Variants in MYO16 observed in about 807,000 individuals in gnomAD.
MYO16 encodes the protein myosin XVI.
In MYO16, 94 loss-of-function variants were observed where a neutral mutation model predicts 205.3. That is an observed-to-expected ratio of 0.46 (90% confidence interval 0.39 to 0.54). The LOEUF is 0.54. Ranked by LOEUF, MYO16 falls within the 20% of genes least tolerant of loss-of-function variation. The pLI is 0.00. For synonymous variants in MYO16, 988 were observed against 954.0 expected (o/e 1.04, Z -0.66); for missense variants, 2,315 against 2,387.5 (o/e 0.97, Z 0.63).
chr13:108,897,928 A>G, intron 14 of MYO16, 88 bp from the exon 15 acceptor site: 1 of 1,022,714 alleles, frequency 9.8e-7, no homozygotes, highest in Admixed American at 1.9e-5. Context: ...CAGACCAAGA[A>G]GTATTATTCA....
intron 31 of MYO16, among the ~76,000 whole-genome samples, chr13:109,132,259 G>C (rs1230329578): frequency 6.6e-6 from 1 of 152,128 alleles, no homozygotes; most frequent in African/African-American, 2.4e-5. Flanking sequence ...GTTCTATGTT[G>C]ATGCTTCCAC....
At chr13:108,988,577 C>A (rs903248646) in intron 20 of MYO16, among the ~76,000 whole-genome samples, 1 of 152,058 alleles carries the variant, frequency 6.6e-6, no homozygotes, top group Non-Finnish European at 1.5e-5. Context: ...CAATGTGAAC[C>A]CATCCTTTAA....
chr13:108,531,633 T>G, the MYO16 span, among the ~76,000 whole-genome samples: 1 of 151,514 alleles, frequency 6.6e-6, no homozygotes, highest in Admixed American at 6.6e-5. Context: ...TAATTTTTTT[T>G]TTTTTGAGAA....
intron 23 of MYO16, among the ~76,000 whole-genome samples, chr13:109,022,670 A>C (rs148205268): frequency 1.3e-4 from 8 of 61,566 alleles, no homozygotes; most frequent in Admixed American, 1.2e-3. Context: ...TTTATATATT[A>C]TATATACACA....
At chr13:108,611,972 C>CTTTTTTTTTTTT (rs201871787) in intron 1 of MYO16, among the ~76,000 whole-genome samples, 21 of 89,754 alleles carry the variant, frequency 2.3e-4, no homozygotes, top group African/African-American at 4.4e-4. Context: ...TTTTTTTTTT[C>CTTTTTTTTTTTT]TTTTTTTTTT....
intron 1 of MYO16, among the ~76,000 whole-genome samples, chr13:108,611,445 A>G (rs907714132): frequency 2.0e-5 from 3 of 152,196 alleles, no homozygotes; most frequent in Admixed American, 6.5e-5. Flanking sequence ...TCAAATCAGA[A>G]CAACTTTTAT....
chr13:108,577,041 G>A, the MYO16 span, among the ~76,000 whole-genome samples: 9 of 152,290 alleles, frequency 5.9e-5, no homozygotes, highest in East Asian at 7.7e-4. Context: ...GATTACAGGC[G>A]ACAGCCACTG....
chr13:108,609,724 T>A (rs1394065818), intron 1 of MYO16, among the ~76,000 whole-genome samples: 3 of 152,230 alleles, frequency 2.0e-5, no homozygotes, highest in Non-Finnish European at 4.4e-5. Context: ...TATTTATTTA[T>A]CTGAACTGAA....
intron 20 of MYO16, among the ~76,000 whole-genome samples, chr13:108,983,145 G>A (rs1042333249): frequency 6.6e-6 from 1 of 152,154 alleles, no homozygotes; most frequent in Non-Finnish European, 1.5e-5. Flanking sequence ...TTGGTTTGAA[G>A]TACAAAATAA....
At chr13:108,852,659 G>A (rs1039789729) in intron 10 of MYO16, among the ~76,000 whole-genome samples, 8 of 152,096 alleles carry the variant, frequency 5.3e-5, no homozygotes, top group East Asian at 1.9e-4. Context: ...ACACTCACCC[G>A]CATCCCTCCC....
chr13:108,797,922 ATCATTTTCAG>A (rs200218768), intron 6 of MYO16, among the ~76,000 whole-genome samples: 1 of 152,234 alleles, frequency 6.6e-6, no homozygotes, highest in Non-Finnish European at 1.5e-5. Context: ...ATCATTTTCA[ATCATTTTCAG>A]TTTTTACTTT....
chr13:108,944,148 C>T (rs1023597827), intron 16 of MYO16, among the ~76,000 whole-genome samples: 3 of 152,126 alleles, frequency 2.0e-5, no homozygotes, highest in Non-Finnish European at 2.9e-5. Context: ...GCTGTGACCA[C>T]ATATAGAGTT....
chr13:108,647,891 G>C (rs1019447872), intron 1 of MYO16, among the ~76,000 whole-genome samples: 23 of 152,188 alleles, frequency 1.5e-4, no homozygotes, highest in Admixed American at 1.4e-3. Flanking sequence ...TACATTAGCA[G>C]ATGAATGAAT....
intron 29 of MYO16, among the ~76,000 whole-genome samples, chr13:109,121,560 T>C (rs1415834549): frequency 6.6e-6 from 1 of 152,206 alleles, no homozygotes; most frequent in Admixed American, 6.5e-5. Flanking sequence ...GTCTCATTGT[T>C]CTCTCAGTAC....
At chr13:108,740,727 C>T (rs995154883) in intron 4 of MYO16, among the ~76,000 whole-genome samples, 1 of 152,148 alleles carries the variant, frequency 6.6e-6, no homozygotes. Context: ...TGTCCTGCCC[C>T]CAGAGGTGGA....
At chr13:109,025,692 T>G (rs1886340692) in intron 23 of MYO16, among the ~76,000 whole-genome samples, 1 of 152,194 alleles carries the variant, frequency 6.6e-6, no homozygotes, top group South Asian at 2.1e-4. Flanking sequence ...TTAAGAATCT[T>G]GAAAGAAGAA....
the MYO16 span, among the ~76,000 whole-genome samples, chr13:108,560,305 A>C: frequency 2.6e-5 from 4 of 152,198 alleles, no homozygotes; most frequent in African/African-American, 9.6e-5. Context: ...TGCCATGGCA[A>C]TATCAAACCA....
chr13:108,792,705 T>C (rs1047819903), intron 5 of MYO16, among the ~76,000 whole-genome samples: 3 of 151,976 alleles, frequency 2.0e-5, no homozygotes, highest in Non-Finnish European at 4.4e-5. Flanking sequence ...AGAGATGGGG[T>C]TTTGCTATGT....
intron 1 of MYO16, among the ~76,000 whole-genome samples, chr13:108,642,674 T>C (rs537386155): frequency 6.6e-6 from 1 of 152,236 alleles, no homozygotes; most frequent in South Asian, 2.1e-4. Flanking sequence ...CGCCTAGGCC[T>C]CCCAAAGTGC....
Sources: gnomAD v4.1 joint callset for allele counts (sites outside exome capture counted in the v4.1 genomes callset) on GRCh38, gnomAD v4.1.1 for gene constraint, MANE v1.5 for transcripts, NCBI Gene and HGNC (gene_info 2026-07-23, HGNC 2026-07-21) for gene names.